PGAP4: variants seen among roughly 807,000 people sequenced by gnomAD.
The protein encoded by PGAP4 is post-GPI attachment to proteins GalNAc transferase 4.
PGAP4 carries 12 observed loss-of-function variants against 28.2 expected under a neutral mutation model. The ratio of observed to expected loss-of-function variants is 0.42; its 90% CI spans 0.27 to 0.69. The LOEUF is 0.69. Ranked by LOEUF, PGAP4 falls within the 30% of genes least tolerant of loss-of-function variation. PGAP4 has a pLI of 0.22. For synonymous variants in PGAP4, 205 were observed against 211.8 expected (o/e 0.97, Z 0.28); for missense variants, 425 against 513.5 (o/e 0.83, Z 1.67).
At chr9:101,481,033 C>A (rs947772253) in intron 1 of PGAP4, among the ~76,000 whole-genome samples, 5 of 152,032 alleles carry the variant, frequency 3.3e-5, no homozygotes, top group Non-Finnish European at 5.9e-5. Flanking sequence ...AAAAATTAGC[C>A]AGGCATGGTA....
intron 1 of PGAP4, 42 bp from the exon 2 acceptor site, chr9:101,477,211 A>AAACAAACAAACAAAC (rs398073538): frequency 8.1e-7 from 1 of 1,227,526 alleles, no homozygotes; most frequent in African/African-American, 1.6e-5. Flanking sequence ...GTAACTTAAA[A>AAACAAACAAACAAAC]AAACAAACAA....
chr9:101,477,484 G>A (rs1826361803), intron 1 of PGAP4, among the ~76,000 whole-genome samples: 1 of 152,082 alleles, frequency 6.6e-6, no homozygotes, highest in South Asian at 2.1e-4. Context: ...AGGCTGTTGG[G>A]ATCATTATTT....
In PGAP4 at chr9:101,527,089, T is replaced by G. The variant is rs144653992; in HGVS notation, c.-165+4259A>C. ...GTGCATATTTAAGATCAGTGTTTCC[T>G]GAAGTTGTGACAGTGAGAAGAGAGA... On this transcript the variant is annotated intron_variant, in intron 2 of 3. Coordinates refer to the PGAP4 transcript ENST00000374851. Among the ~76,000 whole-genome samples, 1,054 of 152,334 alleles carry G rather than the reference T, an allele frequency of 6.9e-3. 6 individuals carry two copies. Among genetic ancestry groups the G allele is most frequent in the Non-Finnish European group, 0.012 (818 of 68,026 alleles).
intron 2 of PGAP4, among the ~76,000 whole-genome samples, chr9:101,498,134 C>T (rs1826768046): frequency 6.6e-6 from 1 of 151,612 alleles, no homozygotes; most frequent in Non-Finnish European, 1.5e-5. Context: ...CCTTTTTGCC[C>T]AGTTTTAGAT....
rs1295280958 is a variant in PGAP4, at chr9:101,476,138, G to A, written c.955C>T (p.Leu319=). Residue 319 remains leucine, a synonymous_variant, in exon 2 of 2, where the codon CTG becomes TTG. Transcript: ENST00000374848. This position sits in a 1 kb window ranked among gnomAD's most constrained non-coding sequence, Gnocchi z 7.0. ...GRHYFLELRR[L]SPSLYSVVPA... ...ACCACACTGTACAGGGAAGGACTCA[G>A]CCGCCGCAGTTCCAGGAAATAGTGC... 6.2e-7 allele frequency: 1 copy of A among 1,614,064 alleles called. No individual in the cohort carries two copies. Among genetic ancestry groups the A allele is most frequent in the Admixed American group, 1.7e-5 (1 of 60,024 alleles).
upstream of PGAP4, among the ~76,000 whole-genome samples, chr9:101,488,623 A>G (rs966215599): frequency 1.4e-4 from 22 of 152,352 alleles, no homozygotes; most frequent in African/African-American, 5.3e-4. Flanking sequence ...CTTGTTTAAC[A>G]AAAATTCATT....
intron 2 of PGAP4, among the ~76,000 whole-genome samples, chr9:101,499,570 G>T (rs908491381): frequency 6.6e-6 from 1 of 152,074 alleles, no homozygotes; most frequent in Non-Finnish European, 1.5e-5. Flanking sequence ...TGACTACTAA[G>T]ATCTGTAACA....
At chr9:101,494,595 G>C (rs1407518510) in intron 2 of PGAP4, among the ~76,000 whole-genome samples, 1 of 151,802 alleles carries the variant, frequency 6.6e-6, no homozygotes, top group Non-Finnish European at 1.5e-5. Context: ...TTGTATTAGA[G>C]TTATGGAAAT....
chr9:101,524,384 C>T (rs1216658958), intron 2 of PGAP4, among the ~76,000 whole-genome samples: 3 of 152,124 alleles, frequency 2.0e-5, no homozygotes, highest in Admixed American at 1.3e-4. Flanking sequence ...GGCTTGAAAA[C>T]CGGCCCCAGG....
At chr9:101,497,083 T>C (rs1256050307) in intron 2 of PGAP4, among the ~76,000 whole-genome samples, 1 of 150,824 alleles carries the variant, frequency 6.6e-6, no homozygotes, top group East Asian at 2.0e-4. Context: ...ATGAGAACTA[T>C]TTTATAATTT....
intron 1 of PGAP4, chr9:101,480,776 G>C (rs1174950954): frequency 6.6e-6 from 1 of 152,160 alleles, no homozygotes; most frequent in Non-Finnish European, 1.5e-5. Context: ...GTATGTTCTT[G>C]TTTACTTTTT....
At chr9:101,501,506 T>C (rs1826798541) in intron 2 of PGAP4, 1 of 317,888 alleles carries the variant, frequency 3.1e-6, no homozygotes, top group African/African-American at 2.2e-5. Flanking sequence ...TATTAATCAG[T>C]GTAATCTCCC....
At chr9:101,484,566 G>A (rs1372753697) in intron 1 of PGAP4, among the ~76,000 whole-genome samples, 1 of 152,090 alleles carries the variant, frequency 6.6e-6, no homozygotes, top group East Asian at 1.9e-4. Context: ...GGTCATAAGG[G>A]TGCAGACCTC....
chr9:101,488,051 C>G (rs142585019), upstream of PGAP4, among the ~76,000 whole-genome samples: 147 of 152,230 alleles, frequency 9.7e-4, no homozygotes, highest in African/African-American at 3.0e-3. Context: ...ATGATTTCTT[C>G]TTGTGTAAGT....
At chr9:101,481,722 A>C (rs956904446) in intron 1 of PGAP4, among the ~76,000 whole-genome samples, 1 of 152,214 alleles carries the variant, frequency 6.6e-6, no homozygotes, top group African/African-American at 2.4e-5. Flanking sequence ...CGGGTGTGGA[A>C]GACACAATAC....
rs575124394 is a variant in PGAP4 at position 101,494,878 on chromosome 9, T to G, written c.-164-5678A>C. ...GACTGACAGCATTACACCAGGACCA[T>G]TAGACTTTTATAAATTTTATATATT... On this transcript the variant is annotated intron_variant, in intron 2 of 3. Coordinates refer to the PGAP4 transcript ENST00000374851. Among the ~76,000 whole-genome samples, 37 of 151,296 alleles carry G rather than the reference T, an allele frequency of 2.4e-4. No individual in the cohort carries two copies. The South Asian group carries it at 3.1e-3, about 13-fold the overall frequency.
At chr9:101,516,582 C>A (rs1826945194) in intron 2 of PGAP4, among the ~76,000 whole-genome samples, 1 of 152,092 alleles carries the variant, frequency 6.6e-6, no homozygotes, top group Admixed American at 6.5e-5. Flanking sequence ...TTAAATGGTG[C>A]AATTTAAATT....
exon 1 of PGAP4, chr9:101,532,933 C>T (rs1293465397): frequency 6.6e-6 from 1 of 152,090 alleles, no homozygotes. Flanking sequence ...AAAGATATAG[C>T]GATCATTCTT....
chr9:101,515,575 G>T (rs1826937254), intron 2 of PGAP4, among the ~76,000 whole-genome samples: 2 of 152,092 alleles, frequency 1.3e-5, no homozygotes, highest in Admixed American at 6.6e-5. Context: ...AGGTTTTGCT[G>T]AAACCATGCA....
Sources: allele counts gnomAD v4.1 joint callset (sites outside exome capture counted in the v4.1 genomes callset), GRCh38; gene constraint gnomAD v4.1.1; non-coding constraint Gnocchi (gnomAD v3.1); transcripts MANE v1.5; gene names NCBI Gene and HGNC (gene_info 2026-07-23, HGNC 2026-07-21).